EXOC2: variants seen among roughly 807,000 people sequenced by gnomAD.
EXOC2 encodes SEC5-like 1.
EXOC2 carries 70 observed loss-of-function variants against 131.8 expected under a neutral mutation model. The ratio of observed to expected loss-of-function variants is 0.53; its 90% confidence interval spans 0.44 to 0.65. The LOEUF is 0.65. EXOC2 is among the 30% of genes least tolerant of loss of function. The pLI, the probability that EXOC2 is intolerant of heterozygous loss-of-function variation, is 0.00. For missense variants in EXOC2, 923 were observed against 1,108.6 expected (o/e 0.83, Z 2.38); for synonymous variants, 411 against 398.4 (o/e 1.03, Z -0.38).
chr6:533,048 C>A (rs1766191742), intron 22 of EXOC2, among the ~76,000 whole-genome samples: 1 of 151,832 alleles, frequency 6.6e-6, no homozygotes, highest in Admixed American at 6.6e-5. Context: ...GAAGAGAGCC[C>A]CTTATAAAAC....
chr6:503,452 C>G (rs1291106514), intron 23 of EXOC2, among the ~76,000 whole-genome samples: 1 of 152,114 alleles, frequency 6.6e-6, no homozygotes, highest in African/African-American at 2.4e-5. Flanking sequence ...CATCTTTGCC[C>G]CATTTACCCT....
intron 1 of EXOC2, among the ~76,000 whole-genome samples, chr6:648,591 ATTTG>A (rs1482020905): frequency 3.3e-5 from 5 of 152,296 alleles, no homozygotes; most frequent in South Asian, 4.1e-4. Flanking sequence ...CATAAACCTC[ATTTG>A]TTTAACTAAA....
intron 10 of EXOC2, 65 bp from the exon 11 acceptor site, chr6:592,652 T>A: frequency 8.1e-7 from 1 of 1,231,390 alleles, no homozygotes; most frequent in Non-Finnish European, 1.2e-6. Flanking sequence ...ATCATTACTT[T>A]TTAAAGGCTA....
intron 1 of EXOC2, among the ~76,000 whole-genome samples, chr6:659,934 C>T (rs542842892): frequency 1.4e-4 from 20 of 147,752 alleles, no homozygotes; most frequent in African/African-American, 4.0e-4. Flanking sequence ...CTTTTTAGTT[C>T]GCAGCTGGGA....
chr6:657,348 G>A, intron 1 of EXOC2: 1 of 159,238 alleles, frequency 6.3e-6, no homozygotes, highest in Non-Finnish European at 1.4e-5. Context: ...CGGCATATAA[G>A]AAGATATAGT....
At chr6:675,441 A>G (rs1764067052) in intron 1 of EXOC2, among the ~76,000 whole-genome samples, 1 of 152,238 alleles carries the variant, frequency 6.6e-6, no homozygotes, top group Admixed American at 6.5e-5. Flanking sequence ...ATGCAGGAGT[A>G]CATGAAGAGA....
At chr6:654,483 G>A (rs1282136827) in intron 1 of EXOC2, among the ~76,000 whole-genome samples, 1 of 152,120 alleles carries the variant, frequency 6.6e-6, no homozygotes, top group African/African-American at 2.4e-5. Context: ...CGCAAGTATG[G>A]TGGAAGTAGC....
rs1217588915 is a variant in EXOC2 at position 485,868 on chromosome 6, G to A, written c.*803C>T. The A allele has an allele frequency of 6.6e-6, 1 of 152,278 alleles. No individual in the cohort carries two copies. The highest frequency in any genetic ancestry group is 2.4e-5 in the African/African-American group (1 of 41,448). 9.4% of individuals were successfully genotyped at this position (152,278 alleles called of 1,614,324 possible). ...CCTGGCCTTTCCGTTAGGGGACCCT[G>A]AAGTCTGCGACCGCCCCGCCAACAC... On this transcript the variant is annotated 3_prime_UTR_variant, in exon 28 of 28. Transcript: ENST00000230449.
At chr6:567,993 G>C (rs116006399) in intron 13 of EXOC2, among the ~76,000 whole-genome samples, 1 of 152,198 alleles carries the variant, frequency 6.6e-6, no homozygotes, top group Non-Finnish European at 1.5e-5. Context: ...TTTGTGTGAC[G>C]GTTGGGGGTT....
At position 564,844 on chromosome 6, in the gene EXOC2, T is replaced by A. The variant is rs1204430624; in HGVS notation, c.1509+20A>T. On this transcript the variant is annotated intron_variant, in intron 14 of 27. Transcript: ENST00000230449. ...ACCCTACCCTGTGAAAAGGTCTACA[T>A]ACTTATCACCCTTACTCACCTTAAA... 4 of 1,608,650 alleles carry A rather than the reference T, an allele frequency of 2.5e-6. No individual in the cohort carries two copies. The African/African-American group carries it at 5.4e-5, about 22-fold the overall frequency.
intron 13 of EXOC2, among the ~76,000 whole-genome samples, chr6:572,030 C>T (rs1219357604): frequency 1.3e-5 from 2 of 152,192 alleles, no homozygotes; most frequent in African/African-American, 4.8e-5. Context: ...CTCATAAAAA[C>T]TTCTGTAAGC....
intron 23 of EXOC2, among the ~76,000 whole-genome samples, chr6:502,231 G>T (rs1581317225): frequency 6.6e-6 from 1 of 152,280 alleles, no homozygotes; most frequent in East Asian, 1.9e-4. Flanking sequence ...AAAATTCACA[G>T]CCTCTGCCCT....
chr6:588,813 T>TC (rs1452725363), intron 11 of EXOC2, among the ~76,000 whole-genome samples: 1 of 152,120 alleles, frequency 6.6e-6, no homozygotes, highest in Admixed American at 6.5e-5. Context: ...CTTTTTTTTT[T>TC]CCAAAACACT....
At chr6:560,070 A>G (rs1339320750) in intron 17 of EXOC2, among the ~76,000 whole-genome samples, 2 of 152,330 alleles carry the variant, frequency 1.3e-5, no homozygotes, top group East Asian at 3.9e-4. Flanking sequence ...ATAGGTCTAT[A>G]GAAAAGAGCT....
intron 11 of EXOC2, among the ~76,000 whole-genome samples, chr6:586,523 A>C (rs189694616): frequency 6.6e-6 from 1 of 152,324 alleles, no homozygotes; most frequent in African/African-American, 2.4e-5. Context: ...TGTATAGCAA[A>C]ATAGCATAAA....
intron 22 of EXOC2, among the ~76,000 whole-genome samples, chr6:547,932 A>G (rs1359291718): frequency 2.0e-5 from 3 of 152,220 alleles, no homozygotes; most frequent in Non-Finnish European, 4.4e-5. Flanking sequence ...TAGTACTGCA[A>G]AAAACCTAGA....
chr6:491,023 G>A (rs1369864090), intron 26 of EXOC2, 102 bp downstream of exon 26: 3 of 1,178,016 alleles, frequency 2.5e-6, no homozygotes, highest in South Asian at 1.3e-5. Context: ...ACAAATTCAT[G>A]AGCATGTGCT....
intron 24 of EXOC2, among the ~76,000 whole-genome samples, chr6:499,064 G>C (rs373594265): frequency 2.6e-5 from 4 of 152,270 alleles, no homozygotes; most frequent in African/African-American, 9.6e-5. Flanking sequence ...TTAACACAAA[G>C]CTTAAGATGA....
At chr6:591,288 G>A (rs1039252070) in intron 11 of EXOC2, among the ~76,000 whole-genome samples, 7 of 152,030 alleles carry the variant, frequency 4.6e-5, no homozygotes, top group East Asian at 1.9e-4. Context: ...CTTAAAATCC[G>A]TCAGCGACTC....
Sources: gnomAD v4.1 joint callset for allele counts (sites outside exome capture counted in the v4.1 genomes callset) on GRCh38, gnomAD v4.1.1 for gene constraint, MANE v1.5 for transcripts, NCBI Gene and HGNC (gene_info 2026-07-23, HGNC 2026-07-21) for gene names.